Variants in ARIH1 observed in about 807,000 individuals in gnomAD.
ARIH1 encodes the protein ariadne RBR E3 ubiquitin protein ligase 1, also known as E3 ubiquitin-protein ligase ARIH1.
Under a neutral mutation model 85.0 loss-of-function variants are expected in ARIH1, and 8 were observed. That is an observed-to-expected ratio of 0.09 (90% CI 0.06 to 0.17). The LOEUF (loss-of-function observed/expected upper bound fraction) is 0.17. ARIH1 is among the 10% of genes least tolerant of loss of function. The pLI, the probability that ARIH1 is intolerant of heterozygous loss-of-function variation, is 1.00. For synonymous variants in ARIH1, 238 were observed against 253.6 expected, an observed-to-expected ratio of 0.94 and a Z score of 0.59; for missense variants, 311 against 718.1, an observed-to-expected ratio of 0.43 and a Z score of 6.48.
At chr15:72,521,557 T>C (rs2064000019) in intron 2 of ARIH1, among the ~76,000 whole-genome samples, 1 of 152,120 alleles carries the variant, frequency 6.6e-6, no homozygotes, top group Admixed American at 6.5e-5. Flanking sequence ...ACTTTTTTTT[T>C]TTTAAGATGG....
intron 2 of ARIH1, among the ~76,000 whole-genome samples, chr15:72,535,504 G>A (rs2064078115): frequency 6.6e-6 from 1 of 152,202 alleles, no homozygotes; most frequent in Non-Finnish European, 1.5e-5. Flanking sequence ...TGTTTTGATG[G>A]ATAATTTGTT....
chr15:72,486,464 C>CA (rs1239873277), intron 1 of ARIH1, among the ~76,000 whole-genome samples: 1 of 152,110 alleles, frequency 6.6e-6, no homozygotes, highest in Admixed American at 6.5e-5. Context: ...CCTACACTTT[C>CA]AAGCTTCCAC....
chr15:72,476,172 C>T (rs2063794191), intron 1 of ARIH1, among the ~76,000 whole-genome samples: 1 of 152,016 alleles, frequency 6.6e-6, no homozygotes, highest in Non-Finnish European at 1.5e-5. Context: ...CGTTGACTTT[C>T]TATTATTAAC....
intron 1 of ARIH1, among the ~76,000 whole-genome samples, chr15:72,490,320 C>T (rs930839396): frequency 6.6e-6 from 1 of 152,108 alleles, no homozygotes; most frequent in Non-Finnish European, 1.5e-5. Context: ...TCCCAATCCT[C>T]AGGCTGTGGC....
At chr15:72,507,776 G>A (rs2063932784) in intron 1 of ARIH1, among the ~76,000 whole-genome samples, 1 of 152,198 alleles carries the variant, frequency 6.6e-6, no homozygotes, top group African/African-American at 2.4e-5. Flanking sequence ...TGATGTTAAA[G>A]CTTCAGCTAG....
chr15:72,565,954 T>C (rs992964137), intron 7 of ARIH1, among the ~76,000 whole-genome samples: 4 of 152,214 alleles, frequency 2.6e-5, no homozygotes, highest in Admixed American at 2.6e-4. Flanking sequence ...TCTTAAGCAT[T>C]TGTGTTTGTT....
chr15:72,557,556 AG>A (rs1335481321), intron 5 of ARIH1, among the ~76,000 whole-genome samples: 1 of 152,132 alleles, frequency 6.6e-6, no homozygotes, highest in Non-Finnish European at 1.5e-5. Context: ...AGTTTAATTA[AG>A]TCCCACTTGT....
intron 2 of ARIH1, among the ~76,000 whole-genome samples, chr15:72,519,347 TAC>T (rs2063988536): frequency 6.6e-6 from 1 of 151,808 alleles, no homozygotes; most frequent in African/African-American, 2.4e-5. Context: ...ACTATTAAAT[TAC>T]AATTTAATAG....
At chr15:72,543,213 G>C (rs2064115439) in intron 2 of ARIH1, among the ~76,000 whole-genome samples, 1 of 151,966 alleles carries the variant, frequency 6.6e-6, no homozygotes, top group African/African-American at 2.4e-5. Flanking sequence ...GGGATTGCAG[G>C]TGTGAGCCAC....
intron 3 of ARIH1, among the ~76,000 whole-genome samples, chr15:72,546,148 C>T (rs1039505494): frequency 6.6e-6 from 1 of 152,084 alleles, no homozygotes; most frequent in African/African-American, 2.4e-5. Flanking sequence ...CTCAAGTGAT[C>T]CTTTTCCCTC....
At chr15:72,507,383 CAT>C (rs969130125) in intron 1 of ARIH1, among the ~76,000 whole-genome samples, 5 of 152,202 alleles carry the variant, frequency 3.3e-5, no homozygotes, top group South Asian at 2.1e-4. Flanking sequence ...TGTCTGCACA[CAT>C]GTGTGCATCC....
intron 1 of ARIH1, among the ~76,000 whole-genome samples, chr15:72,509,418 T>A (rs1489090130): frequency 6.6e-6 from 1 of 152,232 alleles, no homozygotes; most frequent in Non-Finnish European, 1.5e-5. Flanking sequence ...TGAGTTTTGA[T>A]AAATGCCTAG....
At position 72,587,226 on chromosome 15, in the gene ARIH1, T is replaced by A. The variant is rs1402253095; in HGVS notation, c.*3934T>A. On this transcript the variant is annotated 3_prime_UTR_variant, in exon 14 of 14. Coordinates refer to ENST00000379887, the MANE Select transcript of ARIH1 (RefSeq NM_005744.5). ...ATTTCCTTCTACCTGAAACTTAACA[T>A]CATGCTACCTCTTTGTATCATATTT... 1.9e-6 allele frequency: 1 copy of A among 526,688 alleles called. No individual in the cohort carries two copies. 32.6% of individuals were successfully genotyped at this position (526,688 alleles called of 1,614,324 possible). A position where few individuals can be genotyped will look rare whatever the true frequency, so the allele number is the denominator to read the frequency against.
At chr15:72,475,129 C>G in intron 1 of ARIH1, 115 bp downstream of exon 1, 1 of 1,446,784 alleles carries the variant, frequency 6.9e-7, no homozygotes, top group Non-Finnish European at 9.2e-7. Flanking sequence ...CCCGGTGCCT[C>G]CCGGCCTTGT....
intron 2 of ARIH1, among the ~76,000 whole-genome samples, chr15:72,540,491 A>G (rs1375006800): frequency 6.6e-6 from 1 of 152,172 alleles, no homozygotes; most frequent in Non-Finnish European, 1.5e-5. Context: ...TGAATGGACC[A>G]TATAATAAAT....
intron 1 of ARIH1, among the ~76,000 whole-genome samples, chr15:72,478,347 A>G (rs892627914): frequency 2.0e-5 from 3 of 147,828 alleles, no homozygotes; most frequent in Admixed American, 1.3e-4. Context: ...GAACTCCTGA[A>G]CCCAGGTGAT....
Position 72,602,657 on chromosome 15 carries a change from G to A in ARIH1, c.*19365G>A, listed in dbSNP as rs564758159. 1 of 152,292 alleles carries A rather than the reference G, an allele frequency of 6.6e-6. No homozygotes were observed. The highest frequency in any genetic ancestry group is 2.4e-5 in the African/African-American group (1 of 41,564). The allele number at this position is 152,292 out of a possible 1,614,324, so 9.4% of individuals were successfully genotyped here. On this transcript the variant is annotated 3_prime_UTR_variant, in exon 14 of 14. Coordinates refer to ENST00000379887, the MANE Select transcript of ARIH1 (RefSeq NM_005744.5). ...CTTAAGGTGTAGTCTATTTTATGCA[G>A]TGTGAGGCCTTTCATGCTCTGAAAT...
intron 2 of ARIH1, among the ~76,000 whole-genome samples, chr15:72,533,646 G>A (rs1202142021): frequency 1.3e-5 from 2 of 152,172 alleles, no homozygotes; most frequent in African/African-American, 4.8e-5. Flanking sequence ...TATAAAACTG[G>A]TGGTGGCTCA....
Position 72,580,967 on chromosome 15 carries a change from G to T in ARIH1, c.1452G>T (p.Lys484Asn), listed in dbSNP as rs768710024. ...YTYVFAFYLKKNNQSIIFENN... is the reference protein window; with the variant it reads ...YTYVFAFYLKNNNQSIIFENN... ...ATGTCTTCGCTTTCTACCTCAAAAA[G>T]AATAACCAGTCCATTATCTTTGAGG... The change falls in exon 12 of 14, where the codon AAG (lysine) becomes AAT (asparagine). Residue 484 changes from lysine (K) to asparagine (N), a missense_variant. By Grantham distance (94) the Lys-to-Asn change is moderately conservative. Transcript: ENST00000379887. 6.2e-7 allele frequency: 1 copy of T among 1,614,004 alleles called. No individual in the cohort carries two copies. The highest frequency in any genetic ancestry group is 8.5e-7 in the Non-Finnish European group (1 of 1,179,934).
Sources: allele counts gnomAD v4.1 joint callset (sites outside exome capture counted in the v4.1 genomes callset), GRCh38; gene constraint gnomAD v4.1.1; transcripts MANE v1.5; gene names NCBI Gene and HGNC (gene_info 2026-07-23, HGNC 2026-07-21).